Variants in SEMA6D observed in about 807,000 individuals in gnomAD.
SEMA6D encodes the protein semaphorin-6D.
In SEMA6D, 35 loss-of-function variants were observed where a neutral mutation model predicts 106.6. That is an observed-to-expected ratio of 0.33 (90% CI 0.25 to 0.44). SEMA6D has a LOEUF of 0.44. Ranked by LOEUF, SEMA6D falls within the 20% of genes least tolerant of loss-of-function variation. The pLI is 1.00. For synonymous variants in SEMA6D, 499 were observed against 487.7 expected, an observed-to-expected ratio of 1.02 and a Z score of -0.31; for missense variants, 1,185 against 1,345.9, an observed-to-expected ratio of 0.88 and a Z score of 1.87.
At chr15:47,728,804 C>T (rs921531260) in intron 1 of SEMA6D, among the ~76,000 whole-genome samples, 1 of 152,208 alleles carries the variant, frequency 6.6e-6, no homozygotes, top group South Asian at 2.1e-4. Context: ...GCCAGCAATC[C>T]TATGACTGAG....
intron 1 of SEMA6D, among the ~76,000 whole-genome samples, chr15:47,222,216 A>G (rs1458883385): frequency 6.6e-6 from 1 of 152,220 alleles, no homozygotes; most frequent in Non-Finnish European, 1.5e-5. Flanking sequence ...ACACTTAGGA[A>G]TAGACATCCT....
intron 1 of SEMA6D, among the ~76,000 whole-genome samples, chr15:47,239,052 G>T (rs1363525810): frequency 2.6e-5 from 4 of 152,158 alleles, no homozygotes; most frequent in Non-Finnish European, 2.9e-5. Context: ...GCTAGTGAAG[G>T]TTCATCTGTA....
intron 3 of SEMA6D, among the ~76,000 whole-genome samples, chr15:47,501,049 GA>G (rs1433088696): frequency 6.6e-6 from 1 of 152,072 alleles, no homozygotes; most frequent in Non-Finnish European, 1.5e-5. Context: ...GGTATTTCTA[GA>G]AAAGGCAACA....
chr15:47,285,490 G>A (rs1051741933), intron 1 of SEMA6D, among the ~76,000 whole-genome samples: 1 of 151,604 alleles, frequency 6.6e-6, no homozygotes, highest in Non-Finnish European at 1.5e-5. Context: ...AAAAAAAAAA[G>A]GGAAGGAGAA....
intron 1 of SEMA6D, among the ~76,000 whole-genome samples, chr15:47,343,952 A>G (rs1268694851): frequency 6.6e-6 from 1 of 152,174 alleles, no homozygotes; most frequent in Non-Finnish European, 1.5e-5. Flanking sequence ...CTCAAAAGAA[A>G]TTTATGCAGC....
At chr15:47,512,296 G>A (rs1334452348) in intron 3 of SEMA6D, among the ~76,000 whole-genome samples, 1 of 152,200 alleles carries the variant, frequency 6.6e-6, no homozygotes, top group Non-Finnish European at 1.5e-5. Context: ...GTGATCTGCA[G>A]AGCAGTAAGC....
chr15:47,218,272 G>A (rs1262987101), intron 1 of SEMA6D, among the ~76,000 whole-genome samples: 1 of 152,150 alleles, frequency 6.6e-6, no homozygotes, highest in African/African-American at 2.4e-5. Context: ...CACTCATCCA[G>A]TTCTGTTTTT....
intron 3 of SEMA6D, among the ~76,000 whole-genome samples, chr15:47,478,555 C>A (rs1195242949): frequency 6.6e-6 from 1 of 152,100 alleles, no homozygotes; most frequent in African/African-American, 2.4e-5. Flanking sequence ...ACCCTGAAGT[C>A]TGTACAGTAA....
rs79243688 is a variant in SEMA6D, at chr15:47,256,243, C to CA, written c.-239+71830dup. 8.5e-5 allele frequency among the ~76,000 whole-genome samples: 13 copies of CA among 152,168 alleles called. No individual in the cohort carries two copies. The East Asian group carries it at 2.3e-3, about 27-fold the overall frequency. On this transcript the variant is annotated intron_variant, in intron 1 of 19. Coordinates refer to the SEMA6D transcript ENST00000558014. The stretch of plus-strand genomic sequence containing the variant: ...TCTCTTAATAAAAGAAAAAAAATTT[C>CA]AAAAATGTACTGAGATTTTGATAGA...
intron 3 of SEMA6D, among the ~76,000 whole-genome samples, chr15:47,544,565 C>G (rs574942955): frequency 6.6e-6 from 1 of 152,166 alleles, no homozygotes; most frequent in South Asian, 2.1e-4. Context: ...CCATTAACCT[C>G]TAAGGTCAAA....
chr15:47,475,337 A>C (rs1050433164), intron 3 of SEMA6D, among the ~76,000 whole-genome samples: 11 of 152,198 alleles, frequency 7.2e-5, no homozygotes, highest in African/African-American at 2.7e-4. Flanking sequence ...TTTTTCAATG[A>C]GGAAAATAAG....
chr15:47,655,639 A>G (rs1198207653), intron 4 of SEMA6D, among the ~76,000 whole-genome samples: 1 of 152,238 alleles, frequency 6.6e-6, no homozygotes, highest in African/African-American at 2.4e-5. Context: ...TGGGAAGAGC[A>G]AAGGTCTTAG....
intron 1 of SEMA6D, among the ~76,000 whole-genome samples, chr15:47,346,132 G>A (rs2038036107): frequency 6.6e-6 from 1 of 152,136 alleles, no homozygotes; most frequent in African/African-American, 2.4e-5. Flanking sequence ...GTAACACAAA[G>A]ACTTAGTTTA....
intron 4 of SEMA6D, among the ~76,000 whole-genome samples, chr15:47,635,244 C>A (rs1025142252): frequency 8.5e-5 from 13 of 152,182 alleles, no homozygotes; most frequent in African/African-American, 3.1e-4. Flanking sequence ...ATTGGGGTTT[C>A]TGAGAAAAAG....
In SEMA6D at chr15:47,206,708, T is replaced by C. The variant is rs540720092; in HGVS notation, c.-239+22290T>C. ...TGTGTGCATGTTCTGATTGGCTGCATCTTCTCAAAATCAGGAATTCTGCTC... is the reference window on the plus strand; with the variant it reads ...TGTGTGCATGTTCTGATTGGCTGCACCTTCTCAAAATCAGGAATTCTGCTC... On this transcript the variant is annotated intron_variant, in intron 1 of 19. Coordinates refer to the SEMA6D transcript ENST00000558014. Among the ~76,000 whole-genome samples the C allele has an allele frequency of 1.8e-3, 267 of 152,228 alleles. 1 individual carries two copies. The highest frequency in any genetic ancestry group is 6.0e-3 in the African/African-American group (248 of 41,532).
At chr15:47,351,557 T>C (rs1021020211) in intron 1 of SEMA6D, among the ~76,000 whole-genome samples, 5 of 152,138 alleles carry the variant, frequency 3.3e-5, no homozygotes, top group African/African-American at 1.2e-4. Flanking sequence ...GCATAACAAT[T>C]ATCCAAGGTC....
At chr15:47,239,300 C>G (rs2032756524) in intron 1 of SEMA6D, among the ~76,000 whole-genome samples, 1 of 152,188 alleles carries the variant, frequency 6.6e-6, no homozygotes, top group African/African-American at 2.4e-5. Flanking sequence ...ACTTATTCTA[C>G]ATTATGGTAA....
chr15:47,437,699 G>T (rs968467201), intron 2 of SEMA6D, among the ~76,000 whole-genome samples: 3 of 152,078 alleles, frequency 2.0e-5, no homozygotes, highest in Admixed American at 6.6e-5. Flanking sequence ...CAGGAGACCT[G>T]TGCAGCATTG....
chr15:47,486,596 A>G (rs926695726), intron 3 of SEMA6D, among the ~76,000 whole-genome samples: 3 of 152,196 alleles, frequency 2.0e-5, no homozygotes, highest in Non-Finnish European at 2.9e-5. Flanking sequence ...CCAAAGAACT[A>G]CATCTGTTAT....
Sources: gnomAD v4.1 joint callset for allele counts (sites outside exome capture counted in the v4.1 genomes callset) on GRCh38, gnomAD v4.1.1 for gene constraint, MANE v1.5 for transcripts, NCBI Gene and HGNC (gene_info 2026-07-23, HGNC 2026-07-21) for gene names.